Variants in PSMC6 observed in about 807,000 individuals in gnomAD.
The protein encoded by PSMC6 is proteasome 26S subunit, ATPase 6.
A neutral mutation model predicts 55.9 loss-of-function variants in PSMC6; 3 were observed. That is an observed-to-expected ratio of 0.05 (90% confidence interval 0.02 to 0.14). The LOEUF is 0.14. Among genes scored for constraint, PSMC6 ranks in the 10% least tolerant of loss-of-function variants. The pLI, the probability that PSMC6 is intolerant of heterozygous loss-of-function variation, is 1.00. For missense variants in PSMC6, 210 were observed against 478.7 expected (o/e 0.44, Z 5.24); for synonymous variants, 137 against 155.9 (o/e 0.88, Z 0.90).
chr14:52,710,709 A>G (rs904410178), intron 4 of PSMC6: 1 of 222,962 alleles, frequency 4.5e-6, no homozygotes, highest in African/African-American at 2.4e-5. Flanking sequence ...CATTCTTCCC[A>G]GAAGCTGTAC....
At position 52,727,584 on chromosome 14, in the gene PSMC6, G is replaced by T; in HGVS notation, c.1137G>T (p.Lys379Asn). The stretch of plus-strand genomic sequence containing the variant: ...TCAGAAAAGTGGCTGATTCTAAGAA[G>T]CTGGAGTCTAAATTGGACTACAAAC... ...KAVRKVADSK[K>N]LESKLDYKPV Residue 379 changes from lysine to asparagine, a missense_variant, in exon 14 of 14, where the codon AAG becomes AAT. This residue lies in a region of PSMC6 where 79 missense variants were observed against 158.7 expected (regional missense o/e 0.50). Transcript: ENST00000445930. 6.2e-7 allele frequency: 1 copy of T among 1,611,620 alleles called. No individual in the cohort carries two copies. The highest frequency in any genetic ancestry group is 1.1e-5 in the South Asian group (1 of 90,974).
chr14:52,721,085 C>G (rs201439019), intron 11 of PSMC6, 25 bp from the exon 12 acceptor site: 25 of 1,577,424 alleles, frequency 1.6e-5, no homozygotes, highest in East Asian at 2.2e-5. Flanking sequence ...TAAAACTGGA[C>G]TATAAAATAA....
rs1025123494 is a variant in PSMC6 at position 52,727,643 on chromosome 14, C to T, written c.*26C>T. 7 of 1,464,794 alleles carry T rather than the reference C, an allele frequency of 4.8e-6. No individual in the cohort carries two copies. The highest frequency in any genetic ancestry group is 6.7e-6 in the Non-Finnish European group (7 of 1,049,198). 90.7% of individuals were successfully genotyped at this position (1,464,794 alleles called of 1,614,324 possible). On this transcript the variant is annotated 3_prime_UTR_variant, in exon 14 of 14. Transcript: ENST00000445930. The stretch of plus-strand genomic sequence containing the variant: ...TTTACTGTAAGATTTTTGATGGCTG[C>T]ATGACAGATGTTGGCTTATTGTAAA...
chr14:52,708,059 A>G (rs2041723280), intron 1 of PSMC6, among the ~76,000 whole-genome samples: 1 of 152,200 alleles, frequency 6.6e-6, no homozygotes, highest in African/African-American at 2.4e-5. Flanking sequence ...TAAGACTATA[A>G]CTTAAGATGT....
rs2041771337 is a variant in PSMC6, at chr14:52,711,425, G to A, written c.342G>A (p.Glu114=). Reference sequence around the variant, plus strand: ...TTCATTCTAGATATTTGCCGAGAGAGGTGGATCCACTGGTTTATAACATGT... The same window carrying A: ...TTCATTCTAGATATTTGCCGAGAGAAGTGGATCCACTGGTTTATAACATGT... ...TLTIMRYLPR[E]VDPLVYNMSH... is the part of the protein sequence containing the mutation. The change falls in exon 6 of 14, where the codon GAG becomes GAA. Residue 114 remains glutamate, a synonymous_variant. Coordinates refer to ENST00000445930, the MANE Select transcript of PSMC6 (RefSeq NM_002806.5). The A allele has an allele frequency of 6.2e-7, 1 of 1,606,512 alleles. No individual in the cohort carries two copies. The highest frequency in any genetic ancestry group is 8.5e-7 in the Non-Finnish European group (1 of 1,175,588).
chr14:52,723,689 A>G, intron 12 of PSMC6: 1 of 486,476 alleles, frequency 2.1e-6, no homozygotes, highest in Non-Finnish European at 3.2e-6. Flanking sequence ...TCACATGTGC[A>G]TAGCTATTTC....
chr14:52,719,341 A>G (rs574327921), intron 10 of PSMC6, among the ~76,000 whole-genome samples: 2 of 152,188 alleles, frequency 1.3e-5, no homozygotes, highest in Non-Finnish European at 2.9e-5. Context: ...TTATGAAGAC[A>G]TTTTTTGTAA....
intron 7 of PSMC6, among the ~76,000 whole-genome samples, chr14:52,716,444 A>G (rs548124897): frequency 2.0e-5 from 3 of 152,320 alleles, no homozygotes; most frequent in South Asian, 2.1e-4. Context: ...TTGCCCATCA[A>G]TGGATGAATG....
At chr14:52,708,436 T>C in intron 2 of PSMC6, 47 bp from the exon 3 acceptor site, 1 of 1,613,446 alleles carries the variant, frequency 6.2e-7, no homozygotes, top group Non-Finnish European at 8.5e-7. Context: ...ATTTGCTTTT[T>C]TATTTAGCTG....
In PSMC6 at chr14:52,727,820, A is replaced by G. The variant is rs1297031979; in HGVS notation, c.*203A>G. ...TGTTAAAGTTGCATTTATTGCAGCA[A>G]GTTACAAAGGGAAAGTGTTGAAGCT... On this transcript the variant is annotated 3_prime_UTR_variant, in exon 14 of 14. Transcript: ENST00000445930. 9.6e-6 allele frequency: 4 copies of G among 418,724 alleles called. No individual in the cohort carries two copies. The highest frequency in any genetic ancestry group is 3.9e-5 in the East Asian group (1 of 25,356). The allele number at this position is 418,724 out of a possible 1,614,324, so 25.9% of individuals were successfully genotyped here. A position where few individuals can be genotyped will look rare whatever the true frequency, so the allele number is the denominator to read the frequency against.
chr14:52,712,402 C>CTCACCTGTA (rs2041783504), intron 6 of PSMC6, among the ~76,000 whole-genome samples: 1 of 84,794 alleles, frequency 1.2e-5, no homozygotes, highest in Non-Finnish European at 2.5e-5. Flanking sequence ...AAAGGCAGTT[C>CTCACCTGTA]TCACCTGTAT....
chr14:52,716,844 G>T (rs1249827565), intron 7 of PSMC6, among the ~76,000 whole-genome samples: 1 of 152,146 alleles, frequency 6.6e-6, no homozygotes, highest in African/African-American at 2.4e-5. Context: ...TGACAATATG[G>T]ATGAATCTAG....
chr14:52,713,833 T>C, intron 6 of PSMC6, 48 bp from the exon 7 acceptor site: 1 of 1,259,122 alleles, frequency 7.9e-7, no homozygotes. Flanking sequence ...TGAAAGTACA[T>C]TAAAAATCTT....
At chr14:52,717,378 A>G (rs964587047) in intron 7 of PSMC6, among the ~76,000 whole-genome samples, 1 of 122,462 alleles carries the variant, frequency 8.2e-6, no homozygotes. Context: ...TCTGTCACCC[A>G]GGCTGGAGTG....
In PSMC6 at chr14:52,727,584, G is replaced by A; in HGVS notation, c.1137G>A (p.Lys379=). 1 of 1,611,620 alleles carries A rather than the reference G, an allele frequency of 6.2e-7. No homozygotes were observed. Among genetic ancestry groups the A allele is most frequent in the Non-Finnish European group, 8.5e-7 (1 of 1,179,594 alleles). Residue 379 remains lysine (K), a synonymous_variant, in exon 14 of 14, where the codon AAG becomes AAA. Transcript: ENST00000445930. ...KAVRKVADSK[K]LESKLDYKPV ...TCAGAAAAGTGGCTGATTCTAAGAAGCTGGAGTCTAAATTGGACTACAAAC... is the reference window on the plus strand; with the variant it reads ...TCAGAAAAGTGGCTGATTCTAAGAAACTGGAGTCTAAATTGGACTACAAAC...
chr14:52,724,954 G>T (rs1421933542), intron 13 of PSMC6, among the ~76,000 whole-genome samples: 1 of 152,188 alleles, frequency 6.6e-6, no homozygotes, highest in Non-Finnish European at 1.5e-5. Flanking sequence ...GGGCTTCTCA[G>T]TACAGGTATC....
intron 9 of PSMC6, 119 bp from the exon 10 acceptor site, chr14:52,718,858 C>A: frequency 1.3e-6 from 1 of 768,938 alleles, no homozygotes; most frequent in Non-Finnish European, 2.1e-6. Context: ...CAGCATAATT[C>A]TTGCTCTTTA....
intron 6 of PSMC6, among the ~76,000 whole-genome samples, chr14:52,712,708 T>C (rs1162312520): frequency 3.9e-5 from 6 of 151,926 alleles, no homozygotes; most frequent in Non-Finnish European, 7.4e-5. Flanking sequence ...CTGCAACCTC[T>C]ACCTCCCAGG....
chr14:52,709,443 C>T, intron 4 of PSMC6: 1 of 322,296 alleles, frequency 3.1e-6, no homozygotes, highest in South Asian at 2.4e-5. Flanking sequence ...CAGAACATGG[C>T]TGTAAGGGAG....
Sources: gnomAD v4.1 joint callset for allele counts (sites outside exome capture counted in the v4.1 genomes callset) on GRCh38, gnomAD v4.1.1 for gene constraint, gnomAD v4.1.1 regional missense constraint, MANE v1.5 for transcripts, NCBI Gene and HGNC (gene_info 2026-07-23, HGNC 2026-07-21) for gene names.